Variants in CDH20 observed in about 807,000 individuals in gnomAD.
CDH20 encodes cadherin 20, also known as cadherin-20.
A neutral mutation model predicts 74.2 loss-of-function variants in CDH20; 29 were observed. The ratio of observed to expected loss-of-function variants is 0.39; its 90% CI spans 0.29 to 0.53. CDH20 has a LOEUF of 0.53. Among genes scored for constraint, CDH20 ranks in the 20% least tolerant of loss-of-function variants. CDH20 has a pLI of 0.69. For synonymous variants in CDH20, 469 were observed against 405.4 expected (o/e 1.16, Z -1.88); for missense variants, 988 against 1,048.3 (o/e 0.94, Z 0.79).
intron 1 of CDH20, among the ~76,000 whole-genome samples, chr18:61,343,065 TC>T (rs1049449542): frequency 1.3e-5 from 2 of 152,176 alleles, no homozygotes; most frequent in Non-Finnish European, 2.9e-5. Flanking sequence ...TCTATTAGAC[TC>T]CAAGCTCCTT....
At chr18:61,513,586 T>A (rs953953773) in intron 6 of CDH20, among the ~76,000 whole-genome samples, 3 of 151,708 alleles carry the variant, frequency 2.0e-5, no homozygotes, top group African/African-American at 7.3e-5. Context: ...TGCAGTTTCT[T>A]CCTAGTCTCC....
chr18:61,413,301 T>A (rs957212539), intron 1 of CDH20, among the ~76,000 whole-genome samples: 1 of 151,810 alleles, frequency 6.6e-6, no homozygotes, highest in African/African-American at 2.4e-5. Context: ...ATAGCATGAA[T>A]GAAATGTGCT....
At chr18:61,526,121 C>CTTTT (rs765492185) in intron 6 of CDH20, among the ~76,000 whole-genome samples, 3 of 90,202 alleles carry the variant, frequency 3.3e-5, no homozygotes, top group African/African-American at 4.8e-5. Flanking sequence ...AAAAAGTTGA[C>CTTTT]TTTTTTTTTT....
intron 1 of CDH20, among the ~76,000 whole-genome samples, chr18:61,462,617 G>A (rs1402088940): frequency 4.7e-5 from 7 of 149,058 alleles, no homozygotes; most frequent in African/African-American, 1.7e-4. Context: ...TCCAAAAATT[G>A]AAATAATTTT....
intron 1 of CDH20, among the ~76,000 whole-genome samples, chr18:61,431,331 C>T (rs1913247156): frequency 6.6e-6 from 1 of 152,118 alleles, no homozygotes; most frequent in African/African-American, 2.4e-5. Flanking sequence ...CTAAATGTAG[C>T]CTGGATGAGA....
intron 1 of CDH20, among the ~76,000 whole-genome samples, chr18:61,415,554 T>C (rs915937289): frequency 6.6e-6 from 1 of 152,202 alleles, no homozygotes; most frequent in Non-Finnish European, 1.5e-5. Context: ...TCATCTTTTC[T>C]TGAGTTGGAG....
intron 7 of CDH20, among the ~76,000 whole-genome samples, chr18:61,532,238 G>A (rs892637138): frequency 8.5e-5 from 13 of 152,152 alleles, no homozygotes; most frequent in African/African-American, 2.9e-4. Context: ...AAGATTAAAT[G>A]AGTCCATATA....
At chr18:61,336,063 G>A (rs17068185) in intron 1 of CDH20, among the ~76,000 whole-genome samples, 10,327 of 152,268 alleles carry the variant, frequency 0.068, 388 homozygotes, top group Admixed American at 0.11. Flanking sequence ...AGTGCTGAGG[G>A]TTGAGAGGAG....
chr18:61,480,479 A>G (rs1599113968), intron 1 of CDH20, among the ~76,000 whole-genome samples: 2 of 152,316 alleles, frequency 1.3e-5, no homozygotes, highest in African/African-American at 4.8e-5. Context: ...TTCTGTCCAG[A>G]AAGGTGGGAC....
At position 61,500,428 on chromosome 18, in the gene CDH20, C is replaced by T. The variant is rs1911334715; in HGVS notation, c.587C>T (p.Thr196Ile). The change falls in exon 4 of 12, where the codon ACC becomes ATC. Residue 196 changes from threonine (T) to isoleucine (I), a missense_variant. By Grantham distance (89) the Thr-to-Ile change is moderately conservative (BLOSUM62 -1). Transcript: ENST00000262717. ...ACAGCCACAGATGCAGATGACCCGA[C>T]CTACGGCAACAGTGCCAGGGTGGTG... ...QVTATDADDPTYGNSARVVYS... is the reference protein window; with the variant it reads ...QVTATDADDPIYGNSARVVYS... 6.2e-7 allele frequency: 1 copy of T among 1,613,276 alleles called. No individual in the cohort carries two copies. Among genetic ancestry groups the T allele is most frequent in the Non-Finnish European group, 8.5e-7 (1 of 1,179,448 alleles).
intron 1 of CDH20, among the ~76,000 whole-genome samples, chr18:61,451,218 A>C (rs2144337855): frequency 6.6e-6 from 1 of 152,014 alleles, no homozygotes; most frequent in Non-Finnish European, 1.5e-5. Flanking sequence ...GGTATGTTGG[A>C]GTAAAAGCAC....
intron 10 of CDH20, among the ~76,000 whole-genome samples, chr18:61,546,165 G>A (rs976790977): frequency 2.6e-5 from 4 of 152,290 alleles, no homozygotes; most frequent in Admixed American, 6.5e-5. Context: ...TTTTCATTCC[G>A]ATTCTAAAAT....
At chr18:61,374,801 GAC>G (rs1424418311) in intron 1 of CDH20, among the ~76,000 whole-genome samples, 1 of 152,032 alleles carries the variant, frequency 6.6e-6, no homozygotes, top group African/African-American at 2.4e-5. Context: ...ACAACCAGAA[GAC>G]ACAGTCTTAG....
At chr18:61,521,726 C>T (rs758778761) in intron 6 of CDH20, among the ~76,000 whole-genome samples, 1 of 151,520 alleles carries the variant, frequency 6.6e-6, no homozygotes, top group Non-Finnish European at 1.5e-5. Context: ...TTATCCACCA[C>T]GATCAAGTTG....
At chr18:61,421,677 G>T (rs1225722790) in intron 1 of CDH20, among the ~76,000 whole-genome samples, 1 of 152,086 alleles carries the variant, frequency 6.6e-6, no homozygotes, top group Non-Finnish European at 1.5e-5. Context: ...AATATTTGGG[G>T]TGGTAGATAT....
chr18:61,380,949 A>G (rs959243847), intron 1 of CDH20, among the ~76,000 whole-genome samples: 3 of 152,252 alleles, frequency 2.0e-5, no homozygotes, highest in Non-Finnish European at 1.5e-5. Context: ...GAAAGCATAT[A>G]GCCATACTTT....
intron 2 of CDH20, among the ~76,000 whole-genome samples, chr18:61,495,749 TC>T (rs1161537405): frequency 6.6e-6 from 1 of 152,186 alleles, no homozygotes; most frequent in Non-Finnish European, 1.5e-5. Flanking sequence ...TGGCTGTTTT[TC>T]CTGGAGCTGC....
chr18:61,391,276 A>T (rs1055252851), intron 1 of CDH20, among the ~76,000 whole-genome samples: 2 of 152,214 alleles, frequency 1.3e-5, no homozygotes, highest in South Asian at 2.1e-4. Flanking sequence ...AATTTTGTTT[A>T]CCTATTAGCC....
intron 1 of CDH20, among the ~76,000 whole-genome samples, chr18:61,382,550 A>G (rs531615507): frequency 2.0e-5 from 3 of 152,330 alleles, no homozygotes; most frequent in African/African-American, 7.2e-5. Flanking sequence ...TATCTAATGT[A>G]GAATGTCAGA....
Sources: allele counts gnomAD v4.1 joint callset (sites outside exome capture counted in the v4.1 genomes callset), GRCh38; gene constraint gnomAD v4.1.1; transcripts MANE v1.5; gene names NCBI Gene and HGNC (gene_info 2026-07-23, HGNC 2026-07-21).